MDFIC: variants seen among roughly 807,000 people sequenced by gnomAD.
MDFIC encodes myoD family inhibitor domain-containing protein.
In MDFIC, 17 loss-of-function variants were observed where a neutral mutation model predicts 23.2. That is an observed-to-expected ratio of 0.73 (90% CI 0.50 to 1.10). The LOEUF is 1.10. Ranked by LOEUF, MDFIC falls within the 50% of genes least tolerant of loss-of-function variation. The pLI is 0.00. For missense variants in MDFIC, 356 were observed against 316.6 expected (o/e 1.12, Z -0.95); for synonymous variants, 120 against 115.2 (o/e 1.04, Z -0.27).
intron 4 of MDFIC, among the ~76,000 whole-genome samples, chr7:115,011,625 T>C (rs1211408983): frequency 6.6e-6 from 1 of 152,262 alleles, no homozygotes; most frequent in Non-Finnish European, 1.5e-5. Context: ...AATTAATTTG[T>C]AAATCTTATT....
chr7:114,983,574 T>TC (rs1793454981), intron 4 of MDFIC, among the ~76,000 whole-genome samples: 1 of 146,014 alleles, frequency 6.8e-6, no homozygotes, highest in South Asian at 2.3e-4. Flanking sequence ...TTTTTTTTTT[T>TC]TTTTTTTTTT....
At chr7:114,958,869 C>T (rs1197234825) in intron 3 of MDFIC, among the ~76,000 whole-genome samples, 3 of 152,180 alleles carry the variant, frequency 2.0e-5, no homozygotes, top group Admixed American at 6.5e-5. Flanking sequence ...TATCTTCCTC[C>T]GGTTTGCTTA....
chr7:114,996,160 C>T (rs1475661183), intron 4 of MDFIC, among the ~76,000 whole-genome samples: 1 of 152,152 alleles, frequency 6.6e-6, no homozygotes, highest in Non-Finnish European at 1.5e-5. Context: ...CATCACTTTG[C>T]CTTTTGTGCT....
Position 114,922,538 on chromosome 7 carries a change from G to C in MDFIC, c.-206G>C. On this transcript the variant is annotated 5_prime_UTR_variant, in exon 1 of 5. Transcript: ENST00000393486. ...GCCGCCGTCGTCAGGCCACCGGGGC[G>C]AAAATGCGGCCGCTGCCGGAGGCTC... The C allele has an allele frequency of 7.9e-7, 1 of 1,265,990 alleles. No homozygotes were observed. Among genetic ancestry groups the C allele is most frequent in the Non-Finnish European group, 1.0e-6 (1 of 999,406 alleles). The allele number at this position is 1,265,990 out of a possible 1,614,324, so 78.4% of individuals were successfully genotyped here. A position where few individuals can be genotyped will look rare whatever the true frequency, so the allele number is the denominator to read the frequency against.
At chr7:115,012,277 G>A (rs1245567081) in intron 4 of MDFIC, among the ~76,000 whole-genome samples, 3 of 152,120 alleles carry the variant, frequency 2.0e-5, no homozygotes, top group African/African-American at 7.2e-5. Flanking sequence ...TGAACATGCT[G>A]AACACTCATT....
chr7:115,007,429 A>C (rs1791590678), intron 4 of MDFIC, among the ~76,000 whole-genome samples: 1 of 151,960 alleles, frequency 6.6e-6, no homozygotes, highest in Admixed American at 6.6e-5. Context: ...CAGTATGTGA[A>C]TGTAAATATT....
chr7:114,979,713 A>G lies in MDFIC; in HGVS notation c.425A>G (p.Asn142Ser). The G allele has an allele frequency of 6.2e-7, 1 of 1,614,134 alleles. No individual in the cohort carries two copies. The highest frequency in any genetic ancestry group is 1.6e-4 in the Middle Eastern group (1 of 6,062). ...HRKIQSSLSVNSDISKKSKVN... is the reference protein window; with the variant it reads ...HRKIQSSLSVSSDISKKSKVN... Reference sequence around the variant, plus strand: ...AAAATTCAGTCCAGCTTGTCTGTAAACAGCGATATCAGTAAGAAGAGCAAA... The same window carrying G: ...AAAATTCAGTCCAGCTTGTCTGTAAGCAGCGATATCAGTAAGAAGAGCAAA... The change falls in exon 4 of 5, where the codon AAC becomes AGC. Residue 142 changes from asparagine to serine, a missense_variant. Asn to Ser is a conservative substitution (Grantham distance 46, BLOSUM62 1). Transcript: ENST00000393486.
At chr7:114,981,613 C>T (rs751311202) in intron 4 of MDFIC, among the ~76,000 whole-genome samples, 8 of 152,070 alleles carry the variant, frequency 5.3e-5, no homozygotes, top group Middle Eastern at 3.2e-3. Flanking sequence ...AAAATATGTT[C>T]CAGATTGGGT....
At chr7:115,012,835 C>T (rs1226480590) in intron 4 of MDFIC, among the ~76,000 whole-genome samples, 1 of 151,914 alleles carries the variant, frequency 6.6e-6, no homozygotes, top group Non-Finnish European at 1.5e-5. Context: ...AAAAATTAAC[C>T]AGGCATGGTG....
intron 4 of MDFIC, among the ~76,000 whole-genome samples, chr7:114,989,002 C>T (rs1347723010): frequency 6.6e-6 from 1 of 151,900 alleles, no homozygotes; most frequent in African/African-American, 2.4e-5. Flanking sequence ...GGGAGACAAT[C>T]CCAAGGAAAG....
intron 2 of MDFIC, among the ~76,000 whole-genome samples, chr7:114,930,013 T>A (rs1792279903): frequency 1.3e-5 from 2 of 152,164 alleles, no homozygotes; most frequent in African/African-American, 4.8e-5. Flanking sequence ...CTCAGCAAAG[T>A]AAATGGTAAC....
At position 114,947,458 on chromosome 7, in the gene MDFIC, G is replaced by A. The variant is rs1418664249; in HGVS notation, c.217+5061G>A. On this transcript the variant is annotated intron_variant, in intron 3 of 4. Coordinates refer to ENST00000393486, the MANE Select transcript of MDFIC (RefSeq NM_001166345.3). The stretch of plus-strand genomic sequence containing the variant: ...ACCAATCGTTTGGGTTCAAGATTGG[G>A]TGGATAATCCTAAGTCATTTTTGAT... 2.6e-5 allele frequency among the ~76,000 whole-genome samples: 4 copies of A among 152,258 alleles called. No individual in the cohort carries two copies. The East Asian group carries it at 7.7e-4, about 29-fold the overall frequency.
chr7:114,998,546 A>T (rs1401930268), intron 4 of MDFIC, among the ~76,000 whole-genome samples: 1 of 152,170 alleles, frequency 6.6e-6, no homozygotes, highest in Admixed American at 6.5e-5. Context: ...AAATCTAGAG[A>T]ATGGAGAGCA....
intron 4 of MDFIC, among the ~76,000 whole-genome samples, chr7:114,996,644 G>T (rs1245788776): frequency 6.6e-6 from 1 of 152,148 alleles, no homozygotes; most frequent in Non-Finnish European, 1.5e-5. Flanking sequence ...TGAGGTCACT[G>T]GCAACTGGGG....
intron 2 of MDFIC, chr7:114,923,643 A>C: frequency 1.4e-6 from 2 of 1,429,526 alleles, no homozygotes; most frequent in East Asian, 5.1e-5. Context: ...TAAATAAACA[A>C]GGTTTATAAG....
chr7:114,991,181 C>T (rs1158547248), intron 4 of MDFIC, among the ~76,000 whole-genome samples: 1 of 152,176 alleles, frequency 6.6e-6, no homozygotes, highest in Non-Finnish European at 1.5e-5. Context: ...CCTTCGCCCA[C>T]TTTGTGATGG....
At chr7:115,015,508 G>A (rs1791777570) in intron 4 of MDFIC, among the ~76,000 whole-genome samples, 180 bp from the exon 5 acceptor site, 1 of 151,876 alleles carries the variant, frequency 6.6e-6, no homozygotes, top group Non-Finnish European at 1.5e-5. Context: ...TACTTCTAAA[G>A]ATCACTCATC....
intron 3 of MDFIC, among the ~76,000 whole-genome samples, chr7:114,976,155 T>A (rs1451109948): frequency 6.6e-6 from 1 of 152,164 alleles, no homozygotes; most frequent in Non-Finnish European, 1.5e-5. Context: ...CTTTTACCAC[T>A]CTTATTTTTA....
intron 2 of MDFIC, 59 bp from the exon 3 acceptor site, chr7:114,942,216 A>G (rs1792555445): frequency 8.9e-7 from 1 of 1,128,458 alleles, no homozygotes; most frequent in Non-Finnish European, 1.2e-6. Context: ...TGTATATACT[A>G]AAAAAGGAGA....
Sources: allele counts gnomAD v4.1 joint callset (sites outside exome capture counted in the v4.1 genomes callset), GRCh38; gene constraint gnomAD v4.1.1; transcripts MANE v1.5; gene names NCBI Gene and HGNC (gene_info 2026-07-23, HGNC 2026-07-21).